Variants in CBLN2 observed in about 807,000 individuals in gnomAD.
CBLN2 encodes the protein cerebellin 2 precursor, also known as cerebellin-2.
Under a neutral mutation model 15.0 loss-of-function variants are expected in CBLN2, and 7 were observed. The ratio of observed to expected loss-of-function variants is 0.47; its 90% CI spans 0.27 to 0.88. The LOEUF is 0.88. Ranked by LOEUF, CBLN2 falls within the 40% of genes least tolerant of loss-of-function variation. CBLN2 has a pLI of 0.14. For missense variants in CBLN2, 242 were observed against 304.5 expected (o/e 0.79, Z 1.53); for synonymous variants, 149 against 135.2 (o/e 1.10, Z -0.71).
At chr18:72,538,580 C>A in intron 4 of CBLN2, 73 bp downstream of exon 4, 1 of 1,585,636 alleles carries the variant, frequency 6.3e-7, no homozygotes, top group Non-Finnish European at 8.6e-7. Context: ...CCTCAGAGAC[C>A]AGGTGAAGGG....
chr18:72,560,252 T>C (rs1248913630), intron 1 of CBLN2, among the ~76,000 whole-genome samples: 1 of 152,182 alleles, frequency 6.6e-6, no homozygotes, highest in Non-Finnish European at 1.5e-5. Context: ...TGCAGGCCAG[T>C]CATGGACAGA....
In CBLN2 at chr18:72,555,776, C is replaced by T. The variant is rs374843085; in HGVS notation, c.16-17004G>A. On this transcript the variant is annotated intron_variant, in intron 1 of 2. Transcript: ENST00000581073. ...GATAACCATGTTATCTAAAATTCAA[C>T]GAACACCTACTATGAGCTCAGCACT... 6.6e-4 allele frequency among the ~76,000 whole-genome samples: 100 copies of T among 152,208 alleles called. 1 individual carries two copies. Among genetic ancestry groups the T allele is most frequent in the East Asian group, 4.6e-3 (24 of 5,170 alleles).
rs549319443 is a variant in CBLN2, at chr18:72,614,566, G to A, written c.15+23759C>T. Among the ~76,000 whole-genome samples the A allele has an allele frequency of 3.6e-4, 55 of 152,194 alleles. 1 individual carries two copies. Among genetic ancestry groups the A allele is most frequent in the Non-Finnish European group, 2.2e-4 (15 of 68,002 alleles). The stretch of plus-strand genomic sequence containing the variant: ...TGAGAATTGCAGGTGTGATTTAAAA[G>A]TGCCAGACTTATTTCTAAGTACAAT... On this transcript the variant is annotated intron_variant, in intron 1 of 2. Coordinates refer to the CBLN2 transcript ENST00000581073.
intron 1 of CBLN2, among the ~76,000 whole-genome samples, chr18:72,627,862 A>G (rs1396746547): frequency 1.3e-5 from 2 of 152,294 alleles, no homozygotes; most frequent in East Asian, 3.9e-4. Context: ...AGCTTCAGAC[A>G]TTGTTCTATT....
At chr18:72,538,521 T>G (rs1460041910) in intron 4 of CBLN2, 132 bp downstream of exon 4, 14 of 1,447,180 alleles carry the variant, frequency 9.7e-6, no homozygotes, top group Admixed American at 1.8e-5. Flanking sequence ...TCCCAGCTAG[T>G]TCAGAGCCAC....
intron 2 of CBLN2, among the ~76,000 whole-genome samples, chr18:72,542,585 C>G (rs1041088288): frequency 2.6e-5 from 4 of 152,118 alleles, no homozygotes; most frequent in Admixed American, 2.0e-4. Context: ...TGCAGGTCCT[C>G]GTCGCTAAGA....
At chr18:72,612,656 A>G (rs1482839088) in intron 1 of CBLN2, among the ~76,000 whole-genome samples, 1 of 152,180 alleles carries the variant, frequency 6.6e-6, no homozygotes, top group Non-Finnish European at 1.5e-5. Context: ...CAATTGCTTT[A>G]AGGTTTAGCT....
At chr18:72,593,666 T>C (rs1157475633) in intron 1 of CBLN2, among the ~76,000 whole-genome samples, 1 of 152,208 alleles carries the variant, frequency 6.6e-6, no homozygotes, top group African/African-American at 2.4e-5. Flanking sequence ...GGTTTTATCA[T>C]GTTGAGATAT....
intron 1 of CBLN2, chr18:72,618,306 C>T (rs1457598237): frequency 2.8e-5 from 12 of 432,254 alleles, no homozygotes; most frequent in Middle Eastern, 7.2e-4. Flanking sequence ...CGATTAGCTG[C>T]GGGAGCTCTT....
chr18:72,549,394 A>G (rs2069178225), intron 1 of CBLN2, among the ~76,000 whole-genome samples: 1 of 152,186 alleles, frequency 6.6e-6, no homozygotes, highest in African/African-American at 2.4e-5. Context: ...ATTTTTTTCT[A>G]TTCTTGTGGG....
Position 72,557,237 on chromosome 18 carries a change from C to G in CBLN2, c.16-18465G>C, listed in dbSNP as rs746980410. On this transcript the variant is annotated intron_variant, in intron 1 of 2. Coordinates refer to the CBLN2 transcript ENST00000581073. ...CTCAAACTGAATGAAAATGATAAAG[C>G]AAAATAAGATGCGTATGTACCACAT... is the stretch of plus-strand genomic sequence containing the variant. Among the ~76,000 whole-genome samples, 3 of 151,896 alleles carry G rather than the reference C, an allele frequency of 2.0e-5. No homozygotes were observed. In the East Asian group the frequency reaches 5.8e-4, roughly 29 times the overall value.
At chr18:72,585,783 A>G (rs2069438691) in intron 1 of CBLN2, among the ~76,000 whole-genome samples, 1 of 152,036 alleles carries the variant, frequency 6.6e-6, no homozygotes, top group Non-Finnish European at 1.5e-5. Flanking sequence ...ATGCCAAGCC[A>G]CCCTCAGTAC....
intron 1 of CBLN2, among the ~76,000 whole-genome samples, chr18:72,566,737 C>T (rs570373617): frequency 4.8e-4 from 73 of 152,186 alleles, no homozygotes; most frequent in Non-Finnish European, 9.3e-4. Context: ...TTCTATTCCA[C>T]AGAAGGGTAG....
Position 72,612,396 on chromosome 18 carries a change from T to A in CBLN2, c.15+25929A>T, listed in dbSNP as rs72634454. Among the ~76,000 whole-genome samples, 4,426 of 152,264 alleles carry A rather than the reference T, an allele frequency of 0.029. 568 individuals are homozygous for A. In the East Asian group the frequency reaches 0.44, roughly 15 times the overall value. On this transcript the variant is annotated intron_variant, in intron 1 of 2. Coordinates refer to the CBLN2 transcript ENST00000581073. ...TGCACATGAACACTCACATTTGTTG[T>A]GTGTCTGCTTTCTATGTTTAAGAAA...
chr18:72,612,843 C>T (rs1449374485), intron 1 of CBLN2, among the ~76,000 whole-genome samples: 1 of 152,162 alleles, frequency 6.6e-6, no homozygotes, highest in African/African-American at 2.4e-5. Context: ...CCAGCTGGGG[C>T]TGCTGTAACA....
At chr18:72,613,473 C>CT (rs1193676315) in intron 1 of CBLN2, among the ~76,000 whole-genome samples, 1 of 142,986 alleles carries the variant, frequency 7.0e-6, no homozygotes, top group Non-Finnish European at 1.6e-5. Flanking sequence ...TAATAGGTAT[C>CT]TTTTTTTCTT....
In CBLN2 at chr18:72,542,018, G is replaced by C; in HGVS notation, c.143C>G (p.Pro48Arg). The C allele has an allele frequency of 6.3e-7, 1 of 1,596,816 alleles. No homozygotes were observed. The change falls in exon 3 of 5, where the codon CCC becomes CGC. Residue 48 changes from proline (P) to arginine (R), a missense_variant. Pro to Arg is a moderately radical substitution (Grantham distance 103). Coordinates refer to ENST00000269503, the MANE Select transcript of CBLN2 (RefSeq NM_182511.4). Reference sequence around the variant, plus strand: ...CTCCGTGTCGTTCTGCGCCCGCACGGGGCAGCAGGCGGGCAGTAGCAGCAA... The same window carrying C: ...CTCCGTGTCGTTCTGCGCCCGCACGCGGCAGCAGGCGGGCAGTAGCAGCAA... Reference protein sequence around the residue: ...LLLLLLPACCPVRAQNDTEPI... With the variant: ...LLLLLLPACCRVRAQNDTEPI...
chr18:72,626,481 C>T (rs1421439584), intron 1 of CBLN2, among the ~76,000 whole-genome samples: 2 of 151,916 alleles, frequency 1.3e-5, no homozygotes, highest in Non-Finnish European at 2.9e-5. Context: ...GGGTAGATCA[C>T]CTGAGGTCAG....
intron 1 of CBLN2, among the ~76,000 whole-genome samples, chr18:72,556,689 A>C (rs1392012471): frequency 1.3e-5 from 2 of 152,196 alleles, no homozygotes; most frequent in African/African-American, 4.8e-5. Flanking sequence ...TCTAAGACTC[A>C]AGGTAAATGA....
Sources: allele counts gnomAD v4.1 joint callset (sites outside exome capture counted in the v4.1 genomes callset), GRCh38; gene constraint gnomAD v4.1.1; transcripts MANE v1.5; gene names NCBI Gene and HGNC (gene_info 2026-07-23, HGNC 2026-07-21).